SDC3: variants seen among roughly 807,000 people sequenced by gnomAD.
The protein encoded by SDC3 is syndecan-3.
Under a neutral mutation model 24.4 loss-of-function variants are expected in SDC3, and 13 were observed. That is an observed-to-expected ratio of 0.53 (90% CI 0.35 to 0.85). The LOEUF is 0.85. Ranked by LOEUF, SDC3 falls within the 40% of genes least tolerant of loss-of-function variation. The pLI is 0.01. For missense variants in SDC3, 571 were observed against 584.5 expected (o/e 0.98, Z 0.24); for synonymous variants, 295 against 260.9 (o/e 1.13, Z -1.26).
rs1639499409 is a variant in SDC3 at position 30,869,726 on chromosome 1, G to C, written c.*3485C>G. On this transcript the variant is annotated 3_prime_UTR_variant, in exon 5 of 5. Transcript: ENST00000339394. ...TGGTTAATAAACAGGTTACAGGGGA[G>C]AGAAGGGGCAGGGAAGGCCTGGGGG... 1 of 398,702 alleles carries C rather than the reference G, an allele frequency of 2.5e-6. No individual in the cohort carries two copies. The highest frequency in any genetic ancestry group is 4.4e-6 in the Non-Finnish European group (1 of 226,186). The allele number at this position is 398,702 out of a possible 1,614,324, so 24.7% of individuals were successfully genotyped here.
intron 1 of SDC3, among the ~76,000 whole-genome samples, chr1:30,889,248 GC>G (rs1485609461): frequency 2.0e-5 from 3 of 152,142 alleles, no homozygotes; most frequent in African/African-American, 7.2e-5. Flanking sequence ...TCCAAACAAG[GC>G]TCTCAGCCCA....
chr1:30,879,179 G>C (rs931247329), intron 1 of SDC3, among the ~76,000 whole-genome samples: 1 of 152,064 alleles, frequency 6.6e-6, no homozygotes, highest in Non-Finnish European at 1.5e-5. Flanking sequence ...CCACTGATGG[G>C]CCCCCTTCTG....
chr1:30,893,693 C>T (rs191523107), intron 1 of SDC3, among the ~76,000 whole-genome samples: 3 of 152,140 alleles, frequency 2.0e-5, no homozygotes, highest in African/African-American at 4.8e-5. Flanking sequence ...AGAATCCCCA[C>T]GAGGCCCTAG....
intron 1 of SDC3, among the ~76,000 whole-genome samples, chr1:30,904,105 A>G (rs999190614): frequency 2.6e-5 from 4 of 151,992 alleles, no homozygotes; most frequent in Non-Finnish European, 4.4e-5. Context: ...GGTGCCTGTA[A>G]TCCCAGCTAC....
rs554913546 is a variant in SDC3, at chr1:30,876,367, C to T, written c.870+185G>A. Among the ~76,000 whole-genome samples, 4 of 152,290 alleles carry T rather than the reference C, an allele frequency of 2.6e-5. No individual in the cohort carries two copies. In the East Asian group the frequency reaches 7.7e-4, roughly 29 times the overall value. ...CCATTAGGATCCAACCACCCCAGCC[C>T]TCGTTTTCTGTCCCTCTTCCCTCCC... On this transcript the variant is annotated intron_variant, in intron 3 of 4. Transcript: ENST00000339394.
intron 1 of SDC3, among the ~76,000 whole-genome samples, chr1:30,897,468 A>G (rs1268535694): frequency 2.0e-5 from 3 of 152,168 alleles, no homozygotes; most frequent in Non-Finnish European, 4.4e-5. Flanking sequence ...AGCCTGGGTT[A>G]GCCTCTGCCC....
At chr1:30,890,632 T>C (rs1399901240) in intron 1 of SDC3, among the ~76,000 whole-genome samples, 1 of 152,188 alleles carries the variant, frequency 6.6e-6, no homozygotes, top group African/African-American at 2.4e-5. Context: ...ATGGGCAAGA[T>C]GTATATGAGT....
chr1:30,909,655 C>T (rs2124351748), upstream of SDC3, among the ~76,000 whole-genome samples: 1 of 152,312 alleles, frequency 6.6e-6, no homozygotes, highest in Non-Finnish European at 1.5e-5. Flanking sequence ...CCAGCGGGGG[C>T]AGGGTTTTGT....
At chr1:30,888,095 A>G (rs2796209) in intron 1 of SDC3, among the ~76,000 whole-genome samples, 135,518 of 152,338 alleles carry the variant, frequency 0.89, 60,561 homozygotes, top group East Asian at 0.99. Context: ...CAGGACTGGA[A>G]GAAAGCAGCC....
chr1:30,907,475 T>C (rs1016300348), intron 1 of SDC3, among the ~76,000 whole-genome samples: 13 of 152,264 alleles, frequency 8.5e-5, no homozygotes, highest in Admixed American at 8.5e-4. Context: ...CCCATGCACC[T>C]GCATGCACAC....
chr1:30,889,535 T>A (rs761711700), intron 1 of SDC3, among the ~76,000 whole-genome samples: 14 of 151,876 alleles, frequency 9.2e-5, no homozygotes, highest in Non-Finnish European at 1.6e-4. Context: ...TTGGTGGGGG[T>A]TGTTCTAGAT....
chr1:30,877,941 C>A (rs1168105619), intron 2 of SDC3: 1 of 152,584 alleles, frequency 6.6e-6, no homozygotes, highest in African/African-American at 2.4e-5. Context: ...GACCCCGTAC[C>A]ATCTCCTCAG....
intron 1 of SDC3, among the ~76,000 whole-genome samples, chr1:30,906,307 T>C (rs1278807496): frequency 6.6e-6 from 1 of 152,086 alleles, no homozygotes; most frequent in Non-Finnish European, 1.5e-5. Context: ...GGCGCCCCAG[T>C]ACCTGCCCTC....
In SDC3 at chr1:30,869,596, C is replaced by T; in HGVS notation, c.*3615G>A. On this transcript the variant is annotated 3_prime_UTR_variant, in exon 5 of 5. Coordinates refer to ENST00000339394, the MANE Select transcript of SDC3 (RefSeq NM_014654.4). The stretch of plus-strand genomic sequence containing the variant: ...AACCAGTTCCTTCACAAGGCTGGAA[C>T]AGGAGAGTACCCGCAGTGGGGCAGG... 1 of 394,584 alleles carries T rather than the reference C, an allele frequency of 2.5e-6. No homozygotes were observed. Among genetic ancestry groups the T allele is most frequent in the East Asian group, 3.6e-5 (1 of 28,020 alleles). 24.4% of individuals were successfully genotyped at this position (394,584 alleles called of 1,614,324 possible).
At chr1:30,887,995 T>C (rs1639854552) in intron 1 of SDC3, among the ~76,000 whole-genome samples, 1 of 152,270 alleles carries the variant, frequency 6.6e-6, no homozygotes, top group African/African-American at 2.4e-5. Context: ...GATCCCAGCA[T>C]ATTTTGTCAC....
Position 30,874,477 on chromosome 1 carries a change from C to T in SDC3, c.982G>A (p.Asp328Asn). 6.2e-7 allele frequency: 1 copy of T among 1,614,164 alleles called. No individual in the cohort carries two copies. The highest frequency in any genetic ancestry group is 8.5e-7 in the Non-Finnish European group (1 of 1,180,022). ...ACAGCTACCACCTCATTGGCTGTGT[C>T]TGGTTGTGTGGTCTCTTCTTCTGGC... ...ELPEEETTQP[D>N]TANEVVAVGG... Residue 328 changes from aspartate to asparagine, a missense_variant, in exon 4 of 5, where the codon GAC becomes AAC. Physicochemically the swap from Asp to Asn is conservative, Grantham distance 23 (BLOSUM62 1). Around this residue, in one of 2 missense-constraint regions of SDC3, gnomAD observed 497 missense variants for 471.6 expected, o/e 1.05. Coordinates refer to ENST00000339394, the MANE Select transcript of SDC3 (RefSeq NM_014654.4).
intron 1 of SDC3, among the ~76,000 whole-genome samples, chr1:30,890,824 C>A (rs1352704482): frequency 6.6e-6 from 1 of 152,178 alleles, no homozygotes; most frequent in Non-Finnish European, 1.5e-5. Context: ...CCCATTTGAA[C>A]ATCTTCTTAC....
In SDC3 at chr1:30,908,723, C is replaced by T. The variant is rs1638586286; in HGVS notation, c.-137G>A. 2 of 197,532 alleles carry T rather than the reference C, an allele frequency of 1.0e-5. No homozygotes were observed. The highest frequency in any genetic ancestry group is 2.4e-5 in the African/African-American group (1 of 41,586). 12.2% of individuals were successfully genotyped at this position (197,532 alleles called of 1,614,324 possible). On this transcript the variant is annotated 5_prime_UTR_variant, in exon 1 of 5. Coordinates refer to ENST00000339394, the MANE Select transcript of SDC3 (RefSeq NM_014654.4). ...GCTCTAGGCTCGCGGGCTCCCGGCT[C>T]GGCCGCCCGGCTCCGCCTCGCAGCT...
chr1:30,883,077 T>C (rs1380964483), intron 1 of SDC3, among the ~76,000 whole-genome samples: 3 of 152,154 alleles, frequency 2.0e-5, no homozygotes. Context: ...AACCTCCTCA[T>C]GAGGGAAGCC....
Sources: allele counts gnomAD v4.1 joint callset (sites outside exome capture counted in the v4.1 genomes callset), GRCh38; gene constraint gnomAD v4.1.1; regional missense constraint gnomAD v4.1.1; transcripts MANE v1.5; gene names NCBI Gene and HGNC (gene_info 2026-07-23, HGNC 2026-07-21).